Variants in SH3D21 observed in about 807,000 individuals in gnomAD.
The protein encoded by SH3D21 is manchette microtubule inner protein 1.
SH3D21 carries 83 observed loss-of-function variants against 82.1 expected under a neutral mutation model. That is an observed-to-expected ratio of 1.01 (90% CI 0.85 to 1.21). The LOEUF (loss-of-function observed/expected upper bound fraction) is 1.21. SH3D21 is among the 50% of genes most tolerant of loss of function. SH3D21 has a pLI of 0.00. For synonymous variants in SH3D21, 383 were observed against 387.8 expected (o/e 0.99, Z 0.15); for missense variants, 980 against 962.1 (o/e 1.02, Z -0.25).
chr1:36,317,381 G>C (rs568210151), intron 10 of SH3D21, among the ~76,000 whole-genome samples: 1 of 152,176 alleles, frequency 6.6e-6, no homozygotes, highest in Admixed American at 6.5e-5. Flanking sequence ...ATTTGTATAC[G>C]TATCTGCGTG....
At chr1:36,317,322 T>G (rs1646361495) in intron 10 of SH3D21, among the ~76,000 whole-genome samples, 1 of 152,374 alleles carries the variant, frequency 6.6e-6, no homozygotes, top group East Asian at 1.9e-4. Context: ...ATTCAGAGCC[T>G]GGTGTCTGGC....
At chr1:36,309,448 A>G in intron 9 of SH3D21, 100 bp from the exon 10 acceptor site, 1 of 1,363,922 alleles carries the variant, frequency 7.3e-7, no homozygotes, top group Non-Finnish European at 1.0e-6. Flanking sequence ...CCACTCCCAA[A>G]GTGCTGGGAT....
rs774670221 is a variant in SH3D21, at chr1:36,306,646, G to T, written c.53G>T (p.Ser18Ile). The T allele has an allele frequency of 7.7e-7, 1 of 1,301,600 alleles. No homozygotes were observed. The highest frequency in any genetic ancestry group is 1.2e-5 in the South Asian group (1 of 80,920). The allele number at this position is 1,301,600 out of a possible 1,614,324, so 80.6% of individuals were successfully genotyped here. The change falls in exon 2 of 16, where the codon AGT (serine) becomes ATT (isoleucine). Residue 18 changes from serine to isoleucine, a missense_variant. Transcript: ENST00000453908. This position sits in a 1 kb window ranked among gnomAD's most constrained non-coding sequence, Gnocchi z 4.5. ...GYRAQKEDEL[S>I]LAPGDVVRQV... ...CGCGCGCAGAAGGAGGACGAGCTGA[G>T]TCTGGCGCCCGGGGACGTGGTCCGG...
At chr1:36,313,327 CAATA>C (rs60993866) in intron 10 of SH3D21, among the ~76,000 whole-genome samples, 20 of 142,598 alleles carry the variant, frequency 1.4e-4, no homozygotes, top group African/African-American at 2.6e-4. Context: ...CTCTGTCTCA[CAATA>C]AATAAATAAA....
At chr1:36,327,197 C>T (rs926907110), downstream of SH3D21, among the ~76,000 whole-genome samples, 16 of 152,190 alleles carry the variant, frequency 1.1e-4, no homozygotes, top group South Asian at 2.1e-4. Flanking sequence ...AATTTGCCCA[C>T]TGCCTTGGCC....
chr1:36,322,624 G>A (rs1443032471), downstream of SH3D21: 5 of 1,546,190 alleles, frequency 3.2e-6, no homozygotes, highest in Non-Finnish European at 4.4e-6. Flanking sequence ...CGGGGCCGCG[G>A]GCGGGGCGCC....
chr1:36,313,416 AT>A (rs1226718841), intron 10 of SH3D21, among the ~76,000 whole-genome samples: 1 of 151,810 alleles, frequency 6.6e-6, no homozygotes, highest in African/African-American at 2.4e-5. Context: ...ATCTTGCCAT[AT>A]TTTTTTTCAT....
intron 9 of SH3D21, among the ~76,000 whole-genome samples, chr1:36,308,957 G>GAA (rs879529577): frequency 1.6e-5 from 2 of 122,904 alleles, no homozygotes; most frequent in African/African-American, 6.0e-5. Context: ...ATCTCAAAAA[G>GAA]AAAAAAAAAA....
chr1:36,316,844 A>G (rs1194017029), intron 10 of SH3D21, among the ~76,000 whole-genome samples: 5 of 150,456 alleles, frequency 3.3e-5, no homozygotes, highest in Admixed American at 6.6e-5. Context: ...GCTCACTGCA[A>G]TCTCCGCCTC....
At chr1:36,323,037 T>C (rs1261132177), downstream of SH3D21, 1 of 1,601,910 alleles carries the variant, frequency 6.2e-7, no homozygotes, top group South Asian at 1.1e-5. Context: ...GGGGCATCCA[T>C]GCTGCTCTGG....
chr1:36,321,778 G>A (rs962021532), downstream of SH3D21: 17 of 1,001,600 alleles, frequency 1.7e-5, no homozygotes, highest in Non-Finnish European at 1.9e-5. The surrounding 1 kb of genome is among the most constrained non-coding windows in gnomAD (Gnocchi z 6.1). Context: ...GGCGTTTGCC[G>A]GTAAGGAATG....
chr1:36,316,274 G>A (rs1431994723), intron 10 of SH3D21, among the ~76,000 whole-genome samples: 5 of 152,118 alleles, frequency 3.3e-5, no homozygotes, highest in South Asian at 2.1e-4. Context: ...TCGCTCTGTC[G>A]CCTAGGCTGG....
At chr1:36,327,499 G>T (rs140116499), downstream of SH3D21, among the ~76,000 whole-genome samples, 61 of 152,340 alleles carry the variant, frequency 4.0e-4, no homozygotes, top group Middle Eastern at 3.4e-3. Context: ...TTTTGGATCT[G>T]TTTCTGTCAA....
chr1:36,316,609 A>G (rs1646348429), intron 10 of SH3D21, among the ~76,000 whole-genome samples: 1 of 152,170 alleles, frequency 6.6e-6, no homozygotes, highest in South Asian at 2.1e-4. Context: ...TCCTGAAGAA[A>G]GGTAGCACTG....
downstream of SH3D21, chr1:36,328,147 T>TG (rs1294355484): frequency 2.2e-6 from 1 of 456,788 alleles, no homozygotes; most frequent in Non-Finnish European, 4.4e-6. Context: ...CGGAGAGTAC[T>TG]GCTAAGATGA....
rs1557483834 is a variant in SH3D21 at position 36,319,709 on chromosome 1, C to T, written c.1046C>T (p.Ser349Phe). Residue 349 changes from serine (S) to phenylalanine (F), a missense_variant, in exon 14 of 16, where the codon TCT (serine) becomes TTT (phenylalanine). By Grantham distance (155) the Ser-to-Phe change is radical (BLOSUM62 -2). Coordinates refer to ENST00000453908, the MANE Select transcript of SH3D21 (RefSeq NM_001162530.2). ...EEHSSPVKAP[S>F]VKRTPMPDKT... is the part of the protein sequence containing the mutation. ...CACAGCAGCCCGGTAAAGGCCCCCT[C>T]TGTGAAGAGAACCCCCATGCCGGAC... 2 of 1,595,276 alleles carry T rather than the reference C, an allele frequency of 1.3e-6. No homozygotes were observed. The highest frequency in any genetic ancestry group is 1.7e-6 in the Non-Finnish European group (2 of 1,172,180).
chr1:36,317,083 C>CACCTT (rs1646357983), intron 10 of SH3D21, among the ~76,000 whole-genome samples: 1 of 152,156 alleles, frequency 6.6e-6, no homozygotes, highest in Non-Finnish European at 1.5e-5. Flanking sequence ...CCCTACAGAG[C>CACCTT]ACCTAATCAG....
At chr1:36,310,711 C>T (rs748305462) in intron 10 of SH3D21, among the ~76,000 whole-genome samples, 2 of 152,040 alleles carry the variant, frequency 1.3e-5, no homozygotes, top group Non-Finnish European at 2.9e-5. Flanking sequence ...CCTCCTCTTT[C>T]CTATTCTACC....
chr1:36,325,464 G>A (rs1197809710), downstream of SH3D21, among the ~76,000 whole-genome samples: 1 of 152,188 alleles, frequency 6.6e-6, no homozygotes, highest in Non-Finnish European at 1.5e-5. Flanking sequence ...AAGGACTTGA[G>A]GATCCTTGGA....
Sources: gnomAD v4.1 joint callset for allele counts (sites outside exome capture counted in the v4.1 genomes callset) on GRCh38, gnomAD v4.1.1 for gene constraint, Gnocchi (gnomAD v3.1) non-coding constraint, MANE v1.5 for transcripts, NCBI Gene and HGNC (gene_info 2026-07-23, HGNC 2026-07-21) for gene names.